The following CYREN variants were observed in gnomAD, a reference collection of about 807,000 sequenced individuals.
The protein encoded by CYREN is cell cycle regulator of NHEJ.
CYREN carries 7 observed loss-of-function variants against 9.7 expected under a neutral mutation model. The ratio of observed to expected loss-of-function variants is 0.72; its 90% CI spans 0.41 to 1.36. The LOEUF (loss-of-function observed/expected upper bound fraction) is 1.36. Among genes scored for constraint, CYREN ranks in the 40% most tolerant of loss-of-function variants. The pLI, the probability that CYREN is intolerant of heterozygous loss-of-function variation, is 0.01. For missense variants in CYREN, 215 were observed against 198.1 expected, an observed-to-expected ratio of 1.09 and a Z score of -0.51; for synonymous variants, 76 against 77.9, an observed-to-expected ratio of 0.98 and a Z score of 0.13.
chr7:135,159,410 T>G (rs979226163), intron 2 of CYREN, among the ~76,000 whole-genome samples: 1 of 152,232 alleles, frequency 6.6e-6, no homozygotes, highest in Non-Finnish European at 1.5e-5. Context: ...ATGAAAATGT[T>G]AGAGGTGCTT....
At chr7:135,152,372 G>A (rs1263942579) in intron 2 of CYREN, among the ~76,000 whole-genome samples, 1 of 152,198 alleles carries the variant, frequency 6.6e-6, no homozygotes, top group African/African-American at 2.4e-5. Context: ...AAAGGGCCAG[G>A]CCCCCAGTTA....
At chr7:135,147,314 G>A (rs896520195) in intron 2 of CYREN, among the ~76,000 whole-genome samples, 3 of 152,158 alleles carry the variant, frequency 2.0e-5, no homozygotes, top group Non-Finnish European at 4.4e-5. Context: ...AGGGGCAGGG[G>A]GAGGGCAATG....
chr7:135,130,319 C>T (rs76826382), intron 2 of CYREN, among the ~76,000 whole-genome samples: 1 of 152,316 alleles, frequency 6.6e-6, no homozygotes, highest in East Asian at 1.9e-4. Flanking sequence ...TTTAATACCA[C>T]AAACGCTATG....
At chr7:135,113,338 C>T (rs1825896107) in intron 2 of CYREN, among the ~76,000 whole-genome samples, 1 of 152,102 alleles carries the variant, frequency 6.6e-6, no homozygotes, top group South Asian at 2.1e-4. Context: ...ACCCATCACC[C>T]ATCCTCATCA....
chr7:135,160,042 G>T (rs1829888757), intron 2 of CYREN, among the ~76,000 whole-genome samples: 1 of 152,200 alleles, frequency 6.6e-6, no homozygotes, highest in East Asian at 1.9e-4. Context: ...ACAGCTATAT[G>T]CAGCCCTTAA....
In CYREN at chr7:135,096,783, G is replaced by GAAAGAAAT. The variant is rs1554516800; in HGVS notation, n.357-2202_357-2201insATTTCTTT. The stretch of plus-strand genomic sequence containing the variant: ...AGAAAGAAAGAAAGAAAGAAAGAAA[G>GAAAGAAAT]AAAGAAAGAAAAAGGGAAGAAGGAA... On this transcript the variant is annotated intron_variant and non_coding_transcript_variant, in intron 2 of 2. Coordinates refer to the CYREN transcript ENST00000459937. Among the ~76,000 whole-genome samples the GAAAGAAAT allele has an allele frequency of 9.4e-4, 140 of 148,866 alleles. 2 individuals are homozygous for GAAAGAAAT. The highest frequency in any genetic ancestry group is 3.4e-3 in the African/African-American group (137 of 39,844).
chr7:135,131,708 A>G (rs1828803509), intron 2 of CYREN, among the ~76,000 whole-genome samples: 4 of 152,076 alleles, frequency 2.6e-5, no homozygotes. Flanking sequence ...ATAAGAGCAG[A>G]AATTAATAAA....
At position 135,116,540 on chromosome 7, in the gene CYREN, C is replaced by T. The variant is rs192998555; in HGVS notation, n.357-21958G>A. On this transcript the variant is annotated intron_variant and non_coding_transcript_variant, in intron 2 of 2. Transcript: ENST00000459937. ...CCAATGGGGAGAGAAAGAGGTACTTCATTTCTGTCCATTGAGTATGGAAAT... is the reference window on the plus strand; with the variant it reads ...CCAATGGGGAGAGAAAGAGGTACTTTATTTCTGTCCATTGAGTATGGAAAT... Among the ~76,000 whole-genome samples the T allele has an allele frequency of 6.3e-3, 964 of 152,308 alleles. 7 individuals carry two copies. The highest frequency in any genetic ancestry group is 0.017 in the Admixed American group (255 of 15,298).
exon 3 of CYREN, chr7:135,092,615 C>T (rs1459761080): frequency 6.6e-6 from 1 of 152,096 alleles, no homozygotes; most frequent in Admixed American, 6.5e-5. Context: ...TAATATGAAA[C>T]AAATGCTACT....
intron 2 of CYREN, chr7:135,129,436 A>T: frequency 1.3e-6 from 1 of 785,030 alleles, no homozygotes. Context: ...GCACTGGAAG[A>T]GATGGAAAGT....
intron 2 of CYREN, chr7:135,147,733 C>T: frequency 4.4e-6 from 2 of 455,684 alleles, no homozygotes; most frequent in Non-Finnish European, 8.8e-6. Context: ...GTCCTGACTG[C>T]CACACTGGCT....
downstream of CYREN, among the ~76,000 whole-genome samples, chr7:135,161,070 C>T (rs1002981680): frequency 1.3e-5 from 2 of 152,166 alleles, no homozygotes; most frequent in African/African-American, 4.8e-5. This position sits in a 1 kb window ranked among gnomAD's most constrained non-coding sequence, Gnocchi z 4.1. Flanking sequence ...AGTTCCAAGT[C>T]GCACCAGATG....
At chr7:135,095,161 A>G (rs571223062) in intron 2 of CYREN, among the ~76,000 whole-genome samples, 1 of 152,154 alleles carries the variant, frequency 6.6e-6, no homozygotes, top group African/African-American at 2.4e-5. Context: ...AGCCTCCTCT[A>G]GTCTTCCTGT....
intron 2 of CYREN, among the ~76,000 whole-genome samples, chr7:135,159,808 AACTTT>A (rs1829882886): frequency 6.6e-6 from 1 of 152,242 alleles, no homozygotes; most frequent in Non-Finnish European, 1.5e-5. Context: ...GAAAATGTTA[AACTTT>A]ACTTATTATG....
Position 135,166,697 on chromosome 7 carries a change from C to A in CYREN, c.388G>T (p.Gly130Cys). 1 of 1,612,980 alleles carries A rather than the reference C, an allele frequency of 6.2e-7. No individual in the cohort carries two copies. Among genetic ancestry groups the A allele is most frequent in the Middle Eastern group, 1.7e-4 (1 of 6,060 alleles). ...CTCCTGCTACAGGCAGAGCTGGAAC[C>A]CCCCGGCCTCTGGGAAGGGCTGAGG... ...PGLSPSQRPG[G>C]SSSACSRSPE... The change falls in exon 4 of 4, where the codon GGT (glycine) becomes TGT (cysteine). Residue 130 changes from glycine (G) to cysteine (C), a missense_variant. Physicochemically the swap from Gly to Cys is radical, Grantham distance 159. Coordinates refer to ENST00000393114, the MANE Select transcript of CYREN (RefSeq NM_024033.4).
chr7:135,157,228 A>G (rs767975994), intron 2 of CYREN, among the ~76,000 whole-genome samples: 6 of 152,112 alleles, frequency 3.9e-5, no homozygotes, highest in Non-Finnish European at 7.4e-5. Flanking sequence ...AATTGCTTTT[A>G]TAAGGGAGAA....
chr7:135,126,006 C>G (rs1827822573), intron 2 of CYREN, among the ~76,000 whole-genome samples: 2 of 152,152 alleles, frequency 1.3e-5, no homozygotes, highest in African/African-American at 4.8e-5. Context: ...CCCTCTCTCA[C>G]CACCCCTGTT....
intron 2 of CYREN, among the ~76,000 whole-genome samples, chr7:135,126,627 C>T (rs1489464707): frequency 6.6e-6 from 1 of 152,206 alleles, no homozygotes; most frequent in Non-Finnish European, 1.5e-5. Flanking sequence ...ATCACACTAC[C>T]TAACTTCAAA....
intron 2 of CYREN, among the ~76,000 whole-genome samples, chr7:135,130,778 G>T (rs890602780): frequency 6.6e-6 from 1 of 152,092 alleles, no homozygotes; most frequent in East Asian, 1.9e-4. Context: ...AACAAGCTAT[G>T]GGAATTTGGC....
Sources: allele counts gnomAD v4.1 joint callset (sites outside exome capture counted in the v4.1 genomes callset), GRCh38; gene constraint gnomAD v4.1.1; non-coding constraint Gnocchi (gnomAD v3.1); transcripts MANE v1.5; gene names NCBI Gene and HGNC (gene_info 2026-07-23, HGNC 2026-07-21).